HYDIN: variants seen among roughly 807,000 people sequenced by gnomAD.
HYDIN encodes the protein HYDIN axonemal central pair apparatus protein, also known as axonemal central pair apparatus protein HYDIN.
A neutral mutation model predicts 403.9 loss-of-function variants in HYDIN; 132 were observed. That is an observed-to-expected ratio of 0.33 (90% CI 0.28 to 0.38). HYDIN has a LOEUF of 0.38. Among genes scored for constraint, HYDIN ranks in the 10% least tolerant of loss-of-function variants. The pLI is 1.00. For missense variants in HYDIN, 2,827 were observed against 5,009.5 expected (o/e 0.56, Z 13.15); for synonymous variants, 1,202 against 1,891.7 (o/e 0.64, Z 9.46).
chr16:71,026,947 G>A (rs1473225937), intron 20 of HYDIN, among the ~76,000 whole-genome samples: 1 of 152,084 alleles, frequency 6.6e-6, no homozygotes, highest in African/African-American at 2.4e-5. Flanking sequence ...TGTCGGGAGG[G>A]AGAGACTCTT....
intron 50 of HYDIN, among the ~76,000 whole-genome samples, 189 bp downstream of exon 50, chr16:70,907,183 G>A (rs2076559990): frequency 6.6e-6 from 1 of 152,188 alleles, no homozygotes; most frequent in Non-Finnish European, 1.5e-5. Flanking sequence ...TGGGAACATG[G>A]CACCCTCATT....
At chr16:71,043,307 T>G (rs988921849) in intron 18 of HYDIN, among the ~76,000 whole-genome samples, 1 of 150,868 alleles carries the variant, frequency 6.6e-6, no homozygotes, top group African/African-American at 2.4e-5. Context: ...GCATATTTGA[T>G]GAACCTTCTC....
chr16:71,061,896 C>CAGAGAG (rs796422517), intron 17 of HYDIN, among the ~76,000 whole-genome samples: 1 of 94,276 alleles, frequency 1.1e-5, no homozygotes, highest in African/African-American at 4.5e-5. Flanking sequence ...GTGTGTGTGT[C>CAGAGAG]AGAGAGAGAG....
At chr16:71,094,654 T>G in intron 10 of HYDIN, among the ~76,000 whole-genome samples, 1 of 152,304 alleles carries the variant, frequency 6.6e-6, no homozygotes, top group Non-Finnish European at 1.5e-5. Context: ...GTCAGCATTT[T>G]TACGTACACA....
rs2038488467 is a variant in HYDIN, at chr16:70,849,717, TG to T, written c.12873+8del. ...CTTTTGGAGTTTGGACAATGTTAAA[TG>T]GACTCACCTTGATTATGAGTTCCAG... On this transcript the variant is annotated splice_region_variant and intron_variant, in intron 75 of 85. Coordinates refer to ENST00000393567, the MANE Select transcript of HYDIN (RefSeq NM_001270974.2). 1.3e-6 allele frequency: 1 copy of T among 783,182 alleles called. No homozygotes were observed. Among genetic ancestry groups the T allele is most frequent in the Admixed American group, 2.5e-5 (1 of 40,718 alleles). 48.5% of individuals were successfully genotyped at this position (783,182 alleles called of 1,614,324 possible).
At chr16:71,141,372 A>C (rs1597871386) in intron 7 of HYDIN, among the ~76,000 whole-genome samples, 1 of 151,906 alleles carries the variant, frequency 6.6e-6, no homozygotes, top group African/African-American at 2.4e-5. Flanking sequence ...CATATATATA[A>C]AACAATATAA....
At chr16:71,163,825 C>T (rs1396482998) in intron 5 of HYDIN, among the ~76,000 whole-genome samples, 1 of 152,186 alleles carries the variant, frequency 6.6e-6, no homozygotes, top group African/African-American at 2.4e-5. Flanking sequence ...ATAATAAGTG[C>T]TTATTATTTT....
intron 45 of HYDIN, among the ~76,000 whole-genome samples, chr16:70,921,638 G>A (rs1313965378): frequency 6.6e-6 from 1 of 152,118 alleles, no homozygotes; most frequent in Admixed American, 6.6e-5. Flanking sequence ...CCTGGGAGAG[G>A]ACTCAGCCTC....
rs1407473098 is a variant in HYDIN, at chr16:70,868,607, G to A, written c.11273C>T (p.Pro3758Leu). 1.5e-5 allele frequency: 25 copies of A among 1,613,230 alleles called. No individual in the cohort carries two copies. Among genetic ancestry groups the A allele is most frequent in the Non-Finnish European group, 2.0e-5 (24 of 1,179,932 alleles). The change falls in exon 66 of 86, where the codon CCC becomes CTC. Residue 3758 changes from proline (P) to leucine (L), a missense_variant. Coordinates refer to ENST00000393567, the MANE Select transcript of HYDIN (RefSeq NM_001270974.2). ...RMHTVKWVDV[P>L]RNMPGTFTTK... ...AGTGAAAGTCCCAGGCATGTTTCTG[G>A]GTACGTCCACCCACTTGACTGTGTG... is the stretch of plus-strand genomic sequence containing the variant.
intron 66 of HYDIN, among the ~76,000 whole-genome samples, chr16:70,866,920 G>A (rs1457369187): frequency 2.0e-5 from 3 of 151,602 alleles, no homozygotes; most frequent in African/African-American, 7.3e-5. Context: ...AGCTACTTGG[G>A]AGGCTGGGGC....
intron 9 of HYDIN, among the ~76,000 whole-genome samples, chr16:71,116,183 G>T (rs2084019686): frequency 6.8e-6 from 1 of 147,580 alleles, no homozygotes; most frequent in Admixed American, 6.7e-5. Flanking sequence ...ACCCTCTGAT[G>T]CCTGGTAACC....
At chr16:71,153,143 A>G (rs1178389442) in intron 6 of HYDIN, among the ~76,000 whole-genome samples, 1 of 146,680 alleles carries the variant, frequency 6.8e-6, no homozygotes, top group Non-Finnish European at 1.5e-5. Flanking sequence ...AAACACTGAG[A>G]TTGCTGTAAG....
chr16:71,116,358 G>C (rs946348879), intron 9 of HYDIN, among the ~76,000 whole-genome samples: 1 of 151,996 alleles, frequency 6.6e-6, no homozygotes, highest in African/African-American at 2.4e-5. Context: ...TGTCACAAGT[G>C]GCAGGAACTC....
At chr16:70,971,040 A>G (rs1040752043) in intron 35 of HYDIN, among the ~76,000 whole-genome samples, 3 of 152,226 alleles carry the variant, frequency 2.0e-5, no homozygotes, top group African/African-American at 7.2e-5. Flanking sequence ...CCCTCTGAGT[A>G]TCACTTTCAC....
intron 24 of HYDIN, 69 bp downstream of exon 24, chr16:70,992,001 T>C (rs1476346223): frequency 4.4e-5 from 70 of 1,606,020 alleles, no homozygotes; most frequent in Non-Finnish European, 5.8e-5. Context: ...GGGATGAGTA[T>C]TGAGAATGTA....
At chr16:70,898,662 A>T (rs1458672424) in intron 53 of HYDIN, among the ~76,000 whole-genome samples, 1 of 152,184 alleles carries the variant, frequency 6.6e-6, no homozygotes, top group African/African-American at 2.4e-5. Flanking sequence ...GGCTGCTTTA[A>T]GCGGTAGTGG....
Position 70,943,815 on chromosome 16 carries a change from T to C in HYDIN, c.6666A>G (p.Ile2222Met), listed in dbSNP as rs1399474202. ...TGTGCAGGTGGCATGGACCCACCTGTATCCGCTCTGCCAGGATCTGCACGA... is the reference window on the plus strand; with the variant it reads ...TGTGCAGGTGGCATGGACCCACCTGCATCCGCTCTGCCAGGATCTGCACGA... ...ELLVQILAER[I>M]QLSDCYRGVV... Residue 2222 changes from isoleucine to methionine, a missense_variant, in exon 42 of 86, where the codon ATA becomes ATG. Physicochemically the swap from Ile to Met is conservative, Grantham distance 10. Transcript: ENST00000393567. The C allele has an allele frequency of 6.2e-7, 1 of 1,612,160 alleles. No homozygotes were observed. The highest frequency in any genetic ancestry group is 1.7e-5 in the Admixed American group (1 of 60,032).
At chr16:71,226,707 CTTATAT>C (rs557253273) in intron 1 of HYDIN, among the ~76,000 whole-genome samples, 6 of 152,248 alleles carry the variant, frequency 3.9e-5, no homozygotes, top group African/African-American at 1.4e-4. Flanking sequence ...AAGCCTGAAA[CTTATAT>C]TTATCTTATC....
At chr16:71,135,802 T>A (rs1448397434) in intron 8 of HYDIN, among the ~76,000 whole-genome samples, 4 of 146,130 alleles carry the variant, frequency 2.7e-5, no homozygotes, top group African/African-American at 1.0e-4. Context: ...TCTTTCCTCA[T>A]TTTTTAAAAG....
Sources: gnomAD v4.1 joint callset for allele counts (sites outside exome capture counted in the v4.1 genomes callset) on GRCh38, gnomAD v4.1.1 for gene constraint, MANE v1.5 for transcripts, NCBI Gene and HGNC (gene_info 2026-07-23, HGNC 2026-07-21) for gene names.